The following OPHN1 variants were observed in gnomAD, a reference collection of about 807,000 sequenced individuals.
The protein encoded by OPHN1 is oligophrenin-1.
In OPHN1, 11 loss-of-function variants were observed where a neutral mutation model predicts 60.7. That is an observed-to-expected ratio of 0.18 (90% confidence interval 0.11 to 0.30). The LOEUF (loss-of-function observed/expected upper bound fraction) is 0.30. OPHN1 is among the 10% of genes least tolerant of loss of function. The pLI is 1.00. For missense variants in OPHN1, 449 were observed against 611.0 expected, an observed-to-expected ratio of 0.73 and a Z score of 2.80; for synonymous variants, 226 against 222.6, an observed-to-expected ratio of 1.02 and a Z score of -0.14.
At chrX:68,111,534 CAGAGAGGTTTGCCTGAGATT>C in intron 18 of OPHN1, among the ~76,000 whole-genome samples, 1 of 112,464 alleles carries the variant, frequency 8.9e-6, no homozygotes, top group African/African-American at 3.2e-5. Flanking sequence ...CAAACAGACT[CAGAGAGGTTTGCCTGAGATT>C]ATACAGCAAA....
intron 18 of OPHN1, chrX:68,102,237 A>T (rs1221149622): frequency 1.8e-5 from 2 of 112,093 alleles, no homozygotes; most frequent in Non-Finnish European, 1.9e-5. Context: ...AAACCACACA[A>T]CTACATGGAA....
intron 2 of OPHN1, among the ~76,000 whole-genome samples, chrX:68,351,585 G>A (rs1455416748): frequency 8.9e-6 from 1 of 111,958 alleles, no homozygotes; most frequent in East Asian, 2.8e-4. Context: ...TCATCCAGCC[G>A]TGGGACACCT....
chrX:68,102,062 A>T (rs1055029799), intron 18 of OPHN1: 3 of 112,481 alleles, frequency 2.7e-5, no homozygotes, highest in African/African-American at 9.7e-5. Flanking sequence ...TCATAAAAAA[A>T]GGCACTGGGC....
chrX:68,182,188 G>GGT (rs749389101), intron 15 of OPHN1, among the ~76,000 whole-genome samples: 1 of 46,133 alleles, frequency 2.2e-5, no homozygotes, highest in African/African-American at 8.3e-5. Context: ...AAGCTCTGTA[G>GGT]TTTTTTTTTT....
intron 20 of OPHN1, among the ~76,000 whole-genome samples, chrX:68,066,175 C>A (rs2076912602): frequency 8.9e-6 from 1 of 112,434 alleles, no homozygotes; most frequent in Admixed American, 9.4e-5. Context: ...GTAACTCAAG[C>A]ACATCTACTC....
At chrX:68,361,750 C>G (rs2078474109) in intron 2 of OPHN1, among the ~76,000 whole-genome samples, 1 of 111,224 alleles carries the variant, frequency 9.0e-6, no homozygotes, top group Non-Finnish European at 1.9e-5. Flanking sequence ...CCTTCAACAA[C>G]CAATTTCATT....
intron 2 of OPHN1, among the ~76,000 whole-genome samples, chrX:68,430,674 A>C (rs1276321880): frequency 9.0e-6 from 1 of 110,524 alleles, no homozygotes; most frequent in African/African-American, 3.3e-5. Context: ...AAATACAAAA[A>C]TTAGCCAGGC....
chrX:68,213,356 T>C (rs1232477179), intron 7 of OPHN1, among the ~76,000 whole-genome samples: 1 of 111,142 alleles, frequency 9.0e-6, no homozygotes, highest in Non-Finnish European at 1.9e-5. Context: ...TGAGACCCTG[T>C]CTCAAACAAA....
At chrX:68,334,046 C>T (rs1298852597) in intron 2 of OPHN1, among the ~76,000 whole-genome samples, 2 of 108,952 alleles carry the variant, frequency 1.8e-5, no homozygotes, top group African/African-American at 3.3e-5. Context: ...TACAGGCATG[C>T]GCTACCACAC....
At chrX:68,080,134 G>A (rs747406506) in intron 19 of OPHN1, among the ~76,000 whole-genome samples, 27 of 111,758 alleles carry the variant, frequency 2.4e-4, no homozygotes, top group Non-Finnish European at 4.0e-4. Context: ...CACTGTCTTC[G>A]GGACAAAGGC....
At position 68,350,454 on chromosome X, in the gene OPHN1, CCCTTCCTT is replaced by C. The variant is rs1195733657; in HGVS notation, c.155-51366_155-51359del. On this transcript the variant is annotated intron_variant, in intron 2 of 24. Transcript: ENST00000355520. ...TCCCTCTCTCCCTCCCTCTCTCCCT[CCCTTCCTT>C]CCTTCCTTCCTCCCTCCCTCCCTTC... Among the ~76,000 whole-genome samples the C allele has an allele frequency of 4.2e-3, 284 of 67,079 alleles. 1 individual carries two copies. Among genetic ancestry groups the C allele is most frequent in the African/African-American group, 0.01 (129 of 12,615 alleles). 58.3% of individuals were successfully genotyped at this position (67,079 alleles called of 115,157 possible).
intron 15 of OPHN1, among the ~76,000 whole-genome samples, chrX:68,183,047 G>A (rs1171542057): frequency 8.9e-6 from 1 of 111,958 alleles, no homozygotes; most frequent in Non-Finnish European, 1.9e-5. Context: ...AATTTCAGAG[G>A]GACATGGAAA....
chrX:68,198,781 A>T (rs1257359460), intron 11 of OPHN1, among the ~76,000 whole-genome samples: 2 of 111,575 alleles, frequency 1.8e-5, no homozygotes, highest in African/African-American at 3.3e-5. Flanking sequence ...AGGGTTCTGG[A>T]ACACAGGAGC....
rs537117541 is a variant in OPHN1, at chrX:68,320,742, C to T, written c.155-21646G>A. On this transcript the variant is annotated intron_variant, in intron 2 of 24. Coordinates refer to ENST00000355520, the MANE Select transcript of OPHN1 (RefSeq NM_002547.3). ...ATCCCACAGGCTGGGGGCTCGGTACCACAACACTACCCCAATTCAGACACC... is the reference window on the plus strand; with the variant it reads ...ATCCCACAGGCTGGGGGCTCGGTACTACAACACTACCCCAATTCAGACACC... Among the ~76,000 whole-genome samples the T allele has an allele frequency of 2.0e-3, 221 of 111,047 alleles. 3 individuals are homozygous for T. The highest frequency in any genetic ancestry group is 0.013 in the South Asian group (34 of 2,577).
At chrX:68,075,185 G>A (rs1397894270) in intron 19 of OPHN1, among the ~76,000 whole-genome samples, 2 of 112,339 alleles carry the variant, frequency 1.8e-5, no homozygotes, top group Non-Finnish European at 3.8e-5. Context: ...TTTGCAGGCT[G>A]CAGTGCAGGA....
At chrX:68,152,613 T>C (rs1403992761) in intron 15 of OPHN1, among the ~76,000 whole-genome samples, 1 of 109,485 alleles carries the variant, frequency 9.1e-6, no homozygotes, top group Non-Finnish European at 1.9e-5. Flanking sequence ...CAGCTAATTT[T>C]TGTATTATTT....
intron 15 of OPHN1, among the ~76,000 whole-genome samples, chrX:68,138,512 C>T (rs2077230172): frequency 8.9e-6 from 1 of 111,934 alleles, no homozygotes; most frequent in Non-Finnish European, 1.9e-5. Flanking sequence ...ACGGACTACT[C>T]ATTGTACAGC....
chrX:68,079,029 T>C lies in OPHN1; in HGVS notation c.1687-5730A>G, dbSNP rs918967931. Among the ~76,000 whole-genome samples, 14 of 101,052 alleles carry C rather than the reference T, an allele frequency of 1.4e-4. No homozygotes were observed. The East Asian group carries it at 5.1e-3, about 37-fold the overall frequency. 87.8% of individuals were successfully genotyped at this position (101,052 alleles called of 115,157 possible). ...TAAATAAATAAATAAATAAATAAAG[T>C]AAACAACTTCAACTTTCTGTCCCCA... On this transcript the variant is annotated intron_variant, in intron 19 of 24. Coordinates refer to ENST00000355520, the MANE Select transcript of OPHN1 (RefSeq NM_002547.3).
At position 68,287,191 on chromosome X, in the gene OPHN1, G is replaced by GAAA. The variant is rs1224257994; in HGVS notation, c.251-4075_251-4074insTTT. ...AAAGAAAGAAAGAAAGAAAGAAAAG[G>GAAA]GAGGGAGGGAGGAGAAGGGGAAGGG... On this transcript the variant is annotated intron_variant, in intron 3 of 24. Transcript: ENST00000355520. Among the ~76,000 whole-genome samples the GAAA allele has an allele frequency of 7.4e-4, 43 of 57,977 alleles. 1 individual carries two copies. The African/African-American group carries it at 9.6e-3, about 13-fold the overall frequency. 50.3% of individuals were successfully genotyped at this position (57,977 alleles called of 115,157 possible).
Sources: allele counts gnomAD v4.1 joint callset (sites outside exome capture counted in the v4.1 genomes callset), GRCh38; gene constraint gnomAD v4.1.1; transcripts MANE v1.5; gene names NCBI Gene and HGNC (gene_info 2026-07-23, HGNC 2026-07-21).